Variants in LGALS3BP observed in about 807,000 individuals in gnomAD.
LGALS3BP encodes galectin 3 binding protein, also known as galectin-3-binding protein.
LGALS3BP carries 25 observed loss-of-function variants against 22.9 expected under a neutral mutation model. That is an observed-to-expected ratio of 1.09 (90% confidence interval 0.80 to 1.53). LGALS3BP has a LOEUF of 1.53. Ranked by LOEUF, LGALS3BP falls within the 40% of genes most tolerant of loss-of-function variation. The pLI is 0.00. For synonymous variants in LGALS3BP, 335 were observed against 331.1 expected (o/e 1.01, Z -0.13); for missense variants, 718 against 752.0 (o/e 0.95, Z 0.53).
At position 78,976,157 on chromosome 17, in the gene LGALS3BP, C is replaced by T. The variant is rs1455782573; in HGVS notation, c.53-1G>A. ...AGCCGCATGTCACCATCGTTCACGC[C>T]TGCAGGCAGAGACCAGCGAGGGCGA... On this transcript the variant is annotated splice_acceptor_variant, in intron 2 of 5. Coordinates refer to ENST00000262776, the MANE Select transcript of LGALS3BP (RefSeq NM_005567.4). LOFTEE classifies it high-confidence loss of function. This position sits in a 1 kb window ranked among gnomAD's most constrained non-coding sequence, Gnocchi z 4.6. The T allele has an allele frequency of 6.4e-7, 1 of 1,570,272 alleles. No homozygotes were observed. Among genetic ancestry groups the T allele is most frequent in the African/African-American group, 1.4e-5 (1 of 73,848 alleles).
Position 78,972,840 on chromosome 17 carries a change from A to G in LGALS3BP, c.629+130T>C. The stretch of plus-strand genomic sequence containing the variant: ...CGTGTGTGTGCAACTGCGTGAGTGC[A>G]TGTGTGACTGCGTGTGTACATGTGC... On this transcript the variant is annotated intron_variant, in intron 5 of 5. Transcript: ENST00000262776. The surrounding 1 kb of genome is among the most constrained non-coding windows in gnomAD (Gnocchi z 5.1). The G allele has an allele frequency of 7.0e-7, 1 of 1,426,750 alleles. No homozygotes were observed. The allele number at this position is 1,426,750 out of a possible 1,614,324, so 88.4% of individuals were successfully genotyped here. A position where few individuals can be genotyped will look rare whatever the true frequency, so the allele number is the denominator to read the frequency against.
intron 1 of LGALS3BP, among the ~76,000 whole-genome samples, chr17:78,977,648 A>G (rs1373371300): frequency 6.6e-6 from 1 of 151,678 alleles, no homozygotes; most frequent in East Asian, 1.9e-4. Context: ...CTTAAGCTTC[A>G]GGCAACAGAC....
chr17:78,977,389 G>A (rs556024072), intron 1 of LGALS3BP, 175 bp from the exon 2 acceptor site: 18 of 598,478 alleles, frequency 3.0e-5, no homozygotes, highest in Middle Eastern at 4.5e-4. Flanking sequence ...GGATGCCCCC[G>A]CGGGGGCCCC....
Position 78,976,945 on chromosome 17 carries a change from G to A in LGALS3BP, c.52+195C>T, listed in dbSNP as rs1022603084. On this transcript the variant is annotated intron_variant, in intron 2 of 5. Coordinates refer to ENST00000262776, the MANE Select transcript of LGALS3BP (RefSeq NM_005567.4). The surrounding 1 kb of genome is among the most constrained non-coding windows in gnomAD (Gnocchi z 4.6). The stretch of plus-strand genomic sequence containing the variant: ...CCTCTCTATAACCTGCATCTCACCT[G>A]AACCCAGGTGAGCCCCCGGGAACCT... The A allele has an allele frequency of 9.6e-6, 6 of 624,472 alleles. No homozygotes were observed. Among genetic ancestry groups the A allele is most frequent in the East Asian group, 5.5e-5 (2 of 36,080 alleles). The allele number at this position is 624,472 out of a possible 1,614,324, so 38.7% of individuals were successfully genotyped here.
Position 78,973,322 on chromosome 17 carries a change from C to T in LGALS3BP, c.377-100G>A, listed in dbSNP as rs1421417477. ...TCTGAAAGTGAGGGATTTGTGGCTG[C>T]CTCATTCACTCTGGAAGGCTCCTGG... On this transcript the variant is annotated intron_variant, in intron 4 of 5. Transcript: ENST00000262776. This position sits in a 1 kb window ranked among gnomAD's most constrained non-coding sequence, Gnocchi z 5.8. 4.5e-6 allele frequency: 6 copies of T among 1,330,912 alleles called. No individual in the cohort carries two copies. In the South Asian group the frequency reaches 9.2e-5, roughly 20 times the overall value. 82.4% of individuals were successfully genotyped at this position (1,330,912 alleles called of 1,614,324 possible).
rs767213045 is a variant in LGALS3BP at position 78,972,080 on chromosome 17, C to T, written c.1254G>A (p.Val418=). 3.7e-6 allele frequency: 6 copies of T among 1,613,716 alleles called. No homozygotes were observed. The highest frequency in any genetic ancestry group is 2.7e-5 in the African/African-American group (2 of 75,026). Residue 418 remains valine, a synonymous_variant, in exon 6 of 6, where the codon GTG becomes GTA. Coordinates refer to ENST00000262776, the MANE Select transcript of LGALS3BP (RefSeq NM_005567.4). The surrounding 1 kb of genome is among the most constrained non-coding windows in gnomAD (Gnocchi z 5.1). ...IYTSPTWSAF[V]TDSSWSARKS... ...TCCGTGCACTCCAGGAACTGTCTGT[C>T]ACAAAGGCACTCCAGGTGGGCGAGG...
At chr17:78,977,597 C>G in intron 1 of LGALS3BP, 1 of 225,872 alleles carries the variant, frequency 4.4e-6, no homozygotes, top group Non-Finnish European at 8.9e-6. Flanking sequence ...CAGGCGTGGG[C>G]CCAGGTCGGG....
chr17:78,975,300 T>G (rs1434347017), intron 3 of LGALS3BP, among the ~76,000 whole-genome samples: 1 of 152,258 alleles, frequency 6.6e-6, no homozygotes, highest in African/African-American at 2.4e-5. Flanking sequence ...TCGCAACTGC[T>G]GTGTCAGTGG....
chr17:78,972,947 A>C lies in LGALS3BP; in HGVS notation c.629+23T>G. ...AGGACAAAGCCCCTGGCGGCCCCAG[A>C]GCCTGAGGACGAGACGGCTCACCTG... On this transcript the variant is annotated intron_variant, in intron 5 of 5. Coordinates refer to ENST00000262776, the MANE Select transcript of LGALS3BP (RefSeq NM_005567.4). The surrounding 1 kb of genome is among the most constrained non-coding windows in gnomAD (Gnocchi z 5.1). 6.3e-7 allele frequency: 1 copy of C among 1,586,622 alleles called. No individual in the cohort carries two copies. Among genetic ancestry groups the C allele is most frequent in the African/African-American group, 1.3e-5 (1 of 74,406 alleles).
chr17:78,972,173 G>C lies in LGALS3BP; in HGVS notation c.1161C>G (p.Pro387=), dbSNP rs765719222. The C allele has an allele frequency of 1.2e-6, 2 of 1,614,052 alleles. No homozygotes were observed. The highest frequency in any genetic ancestry group is 1.1e-5 in the South Asian group (1 of 91,074). ...CTTTGTACCGGGCCAGCAACTGGAA[G>C]GGCACAGTGTGGAATTCCAGGGCCT... ...TLQALEFHTV[P]FQLLARYKGL... is the part of the protein sequence containing the mutation. Residue 387 remains proline (P), a synonymous_variant, in exon 6 of 6, where the codon CCC becomes CCG. Coordinates refer to ENST00000262776, the MANE Select transcript of LGALS3BP (RefSeq NM_005567.4). This position sits in a 1 kb window ranked among gnomAD's most constrained non-coding sequence, Gnocchi z 5.1.
At position 78,972,900 on chromosome 17, in the gene LGALS3BP, C is replaced by A; in HGVS notation, c.629+70G>T. The A allele has an allele frequency of 2.6e-6, 4 of 1,538,944 alleles. No individual in the cohort carries two copies. The highest frequency in any genetic ancestry group is 3.5e-6 in the Non-Finnish European group (4 of 1,139,608). ...TATGTGCAGGTGTGTGTGTGGGGGG[C>A]TGTGCTTTTGAAGAGGGGAGGAGGA... On this transcript the variant is annotated intron_variant, in intron 5 of 5. Transcript: ENST00000262776. The surrounding 1 kb of genome is among the most constrained non-coding windows in gnomAD (Gnocchi z 5.1).
At position 78,977,292 on chromosome 17, in the gene LGALS3BP, C is replaced by T. The variant is rs141137699; in HGVS notation, c.-23-78G>A. 1.9e-4 allele frequency: 221 copies of T among 1,184,054 alleles called. No individual in the cohort carries two copies. In the African/African-American group the frequency reaches 3.1e-3, roughly 16 times the overall value. The allele number at this position is 1,184,054 out of a possible 1,614,324, so 73.3% of individuals were successfully genotyped here. A position where few individuals can be genotyped will look rare whatever the true frequency, so the allele number is the denominator to read the frequency against. The stretch of plus-strand genomic sequence containing the variant: ...CCCCAGGGACTGGCCTGCCCATTCA[C>T]CCTTCAGCCCAACCTGGGCTGTGTG... On this transcript the variant is annotated intron_variant, in intron 1 of 5. Transcript: ENST00000262776.
rs749449861 is a variant in LGALS3BP, at chr17:78,971,816, G to A, written c.1518C>T (p.Leu506=). 5.6e-6 allele frequency: 9 copies of A among 1,614,152 alleles called. No individual in the cohort carries two copies. The highest frequency in any genetic ancestry group is 5.0e-5 in the Admixed American group (3 of 60,032). ...TGCGATCTGAGCCGCCAGACTTGGT[G>A]AGGCCCAGGACAGGGAGCTCGTCCG... ...CSSDELPVLG[L]TKSGGSDRTI... Residue 506 remains leucine (L), a synonymous_variant, in exon 6 of 6, where the codon CTC becomes CTT. Transcript: ENST00000262776. This position sits in a 1 kb window ranked among gnomAD's most constrained non-coding sequence, Gnocchi z 5.6.
At position 78,972,082 on chromosome 17, in the gene LGALS3BP, C is replaced by T. The variant is rs1446602064; in HGVS notation, c.1252G>A (p.Val418Met). 2 of 1,613,666 alleles carry T rather than the reference C, an allele frequency of 1.2e-6. No individual in the cohort carries two copies. Among genetic ancestry groups the T allele is most frequent in the Non-Finnish European group, 1.7e-6 (2 of 1,179,698 alleles). Residue 418 changes from valine (V) to methionine (M), a missense_variant, in exon 6 of 6, where the codon GTG becomes ATG. Transcript: ENST00000262776. The surrounding 1 kb of genome is among the most constrained non-coding windows in gnomAD (Gnocchi z 5.1). ...CGTGCACTCCAGGAACTGTCTGTCA[C>T]AAAGGCACTCCAGGTGGGCGAGGTG... ...IYTSPTWSAF[V>M]TDSSWSARKS...
At chr17:78,977,497 T>C (rs926673296) in intron 1 of LGALS3BP, 1 of 363,466 alleles carries the variant, frequency 2.8e-6, no homozygotes, top group Non-Finnish European at 5.0e-6. Context: ...CAGCAAGAAT[T>C]GGTGACTAGA....
chr17:78,975,075 G>A, intron 3 of LGALS3BP: 2 of 494,840 alleles, frequency 4.0e-6, no homozygotes. Context: ...GTAATTGTGT[G>A]ACTATCCCTG....
chr17:78,972,175 G>T lies in LGALS3BP; in HGVS notation c.1159C>A (p.Pro387Thr). 2.5e-6 allele frequency: 4 copies of T among 1,614,050 alleles called. No individual in the cohort carries two copies. The highest frequency in any genetic ancestry group is 3.4e-6 in the Non-Finnish European group (4 of 1,180,008). The change falls in exon 6 of 6, where the codon CCC (proline) becomes ACC (threonine). Residue 387 changes from proline (P) to threonine (T), a missense_variant. By Grantham distance (38) the Pro-to-Thr change is conservative. Transcript: ENST00000262776. This position sits in a 1 kb window ranked among gnomAD's most constrained non-coding sequence, Gnocchi z 5.1. ...TTGTACCGGGCCAGCAACTGGAAGG[G>T]CACAGTGTGGAATTCCAGGGCCTGC... ...TLQALEFHTV[P>T]FQLLARYKGL...
chr17:78,974,363 G>A (rs1396573011), intron 4 of LGALS3BP, among the ~76,000 whole-genome samples: 1 of 152,230 alleles, frequency 6.6e-6, no homozygotes, highest in East Asian at 1.9e-4. Flanking sequence ...GTATTTCTGA[G>A]CGGACGCTGG....
rs1353181280 is a variant in LGALS3BP, at chr17:78,973,095, G to A, written c.504C>T (p.Gly168=). 11 of 1,613,594 alleles carry A rather than the reference G, an allele frequency of 6.8e-6. No individual in the cohort carries two copies. The highest frequency in any genetic ancestry group is 8.5e-6 in the Non-Finnish European group (10 of 1,179,998). ...SVNVQGEDAL[G]FCGHTVILTA... is the part of the protein sequence containing the mutation. ...TCAGGATGACCGTGTGGCCACAGAA[G>A]CCCAGGGCGTCCTCGCCCTGCACAT... Residue 168 remains glycine, a synonymous_variant, in exon 5 of 6, where the codon GGC becomes GGT. Transcript: ENST00000262776. The surrounding 1 kb of genome is among the most constrained non-coding windows in gnomAD (Gnocchi z 5.8).
Sources: gnomAD v4.1 joint callset for allele counts (sites outside exome capture counted in the v4.1 genomes callset) on GRCh38, gnomAD v4.1.1 for gene constraint, Gnocchi (gnomAD v3.1) non-coding constraint, MANE v1.5 for transcripts, NCBI Gene and HGNC (gene_info 2026-07-23, HGNC 2026-07-21) for gene names.